Variants in CNKSR2 observed in about 807,000 individuals in gnomAD.
CNKSR2 encodes CNK homolog protein 2.
CNKSR2 carries 14 observed loss-of-function variants against 84.4 expected under a neutral mutation model. That is an observed-to-expected ratio of 0.17 (90% CI 0.11 to 0.26). CNKSR2 has a LOEUF of 0.26. Ranked by LOEUF, CNKSR2 falls within the 10% of genes least tolerant of loss-of-function variation. CNKSR2 has a pLI of 1.00. For missense variants in CNKSR2, 485 were observed against 771.2 expected (o/e 0.63, Z 4.40); for synonymous variants, 275 against 277.9 (o/e 0.99, Z 0.10).
At position 21,563,244 on chromosome X, in the gene CNKSR2, C is replaced by CTCTACTTCGGTATATGAGCAATGA. The variant is rs1429878531; in HGVS notation, c.1401_1424dup (p.Asn474_Glu475insAspLeuLeuArgTyrMetSerAsn). On this transcript the variant is annotated inframe_insertion, in exon 13 of 22. Coordinates refer to ENST00000379510, the MANE Select transcript of CNKSR2 (RefSeq NM_014927.5). ...TTTATCTCTTTTTATATAGAAAACT[C>CTCTACTTCGGTATATGAGCAATGA]TCTACTTCGGTATATGAGCAATGAA... 1 of 1,196,031 alleles carries CTCTACTTCGGTATATGAGCAATGA rather than the reference C, an allele frequency of 8.4e-7. No individual in the cohort carries two copies. Among genetic ancestry groups the CTCTACTTCGGTATATGAGCAATGA allele is most frequent in the African/African-American group, 1.8e-5 (1 of 56,620 alleles).
At chrX:21,477,529 C>A (rs753399181) in intron 5 of CNKSR2, among the ~76,000 whole-genome samples, 8 of 108,103 alleles carry the variant, frequency 7.4e-5, no homozygotes, top group Non-Finnish European at 1.2e-4. Flanking sequence ...TTTTTCCTTT[C>A]TTTAAATTTA....
At chrX:21,418,357 GT>G (rs1392946275) in intron 1 of CNKSR2, among the ~76,000 whole-genome samples, 3 of 110,804 alleles carry the variant, frequency 2.7e-5, no homozygotes, top group African/African-American at 9.8e-5. Context: ...AATATTCTGT[GT>G]TTTTTTTGTG....
At chrX:21,446,763 A>T (rs907732098) in intron 4 of CNKSR2, among the ~76,000 whole-genome samples, 5 of 111,577 alleles carry the variant, frequency 4.5e-5, no homozygotes, top group Non-Finnish European at 9.5e-5. Context: ...GGGTGTACTA[A>T]ACTCATCAAT....
intron 18 of CNKSR2, among the ~76,000 whole-genome samples, chrX:21,603,735 G>C (rs1364910245): frequency 2.7e-5 from 3 of 112,330 alleles, no homozygotes; most frequent in East Asian, 5.6e-4. Flanking sequence ...CCAGCTTCAA[G>C]ACAGACATTC....
chrX:21,451,366 A>G (rs989514980), intron 4 of CNKSR2, among the ~76,000 whole-genome samples: 1 of 111,350 alleles, frequency 9.0e-6, no homozygotes, highest in African/African-American at 3.3e-5. Context: ...CCAAAGGACT[A>G]TAAATCATGC....
At chrX:21,446,959 T>G (rs1057238731) in intron 4 of CNKSR2, among the ~76,000 whole-genome samples, 14 of 111,638 alleles carry the variant, frequency 1.3e-4, no homozygotes, top group Non-Finnish European at 2.1e-4. Flanking sequence ...CCAATATTGT[T>G]TCAGTTACTT....
chrX:21,560,473 T>G (rs893859259), intron 11 of CNKSR2, among the ~76,000 whole-genome samples: 1 of 111,263 alleles, frequency 9.0e-6, no homozygotes, highest in Non-Finnish European at 1.9e-5. Context: ...GAGTAAACAA[T>G]TTAATACTTA....
chrX:21,611,594 CA>C (rs2092550557), intron 20 of CNKSR2, among the ~76,000 whole-genome samples: 1 of 111,977 alleles, frequency 8.9e-6, no homozygotes, highest in Non-Finnish European at 1.9e-5. Flanking sequence ...AGATAGCTTT[CA>C]ATTTTTTTCT....
At chrX:21,459,718 T>C (rs1049121190) in intron 4 of CNKSR2, among the ~76,000 whole-genome samples, 9 of 111,363 alleles carry the variant, frequency 8.1e-5, no homozygotes, top group African/African-American at 2.9e-4. Flanking sequence ...CTATCTTCTT[T>C]TTTTCATCAC....
chrX:21,648,781 TCTCTCTC>T, intron 20 of CNKSR2, 43 bp from the exon 21 acceptor site: 2 of 887,691 alleles, frequency 2.3e-6, no homozygotes, highest in Non-Finnish European at 3.0e-6. Context: ...TCTCTCTCTC[TCTCTCTC>T]TCTTTCTTTT....
rs769002421 is a variant in CNKSR2 at position 21,497,853 on chromosome X, A to T, written c.741+7A>T. 2 of 833,848 alleles carry T rather than the reference A, an allele frequency of 2.4e-6. No individual in the cohort carries two copies. Among genetic ancestry groups the T allele is most frequent in the Non-Finnish European group, 1.8e-6 (1 of 554,240 alleles). The allele number at this position is 833,848 out of a possible 1,213,427, so 68.7% of individuals were successfully genotyped here. ...TACTGGAACCACAGAAAATGTAAGT[A>T]TTCTAACCTTTCAAATTTTTAAGTG... On this transcript the variant is annotated splice_region_variant and intron_variant, in intron 7 of 21. Transcript: ENST00000379510.
intron 1 of CNKSR2, among the ~76,000 whole-genome samples, chrX:21,380,653 G>A (rs1244658421): frequency 1.8e-5 from 2 of 110,117 alleles, no homozygotes; most frequent in African/African-American, 6.6e-5. Flanking sequence ...TCACCATGTT[G>A]GCCAAGCTGG....
chrX:21,465,858 T>A (rs2091120730), intron 4 of CNKSR2, among the ~76,000 whole-genome samples: 1 of 111,267 alleles, frequency 9.0e-6, no homozygotes, highest in Non-Finnish European at 1.9e-5. Context: ...TATGTAGGAG[T>A]AAAAATTGTT....
chrX:21,448,117 A>G (rs2090879118), intron 4 of CNKSR2, among the ~76,000 whole-genome samples: 1 of 111,863 alleles, frequency 8.9e-6, no homozygotes, highest in Non-Finnish European at 1.9e-5. Context: ...CTAAGGAGGC[A>G]TACTAAAAAT....
intron 11 of CNKSR2, among the ~76,000 whole-genome samples, chrX:21,552,993 A>G (rs2092106982): frequency 8.9e-6 from 1 of 112,159 alleles, no homozygotes; most frequent in Admixed American, 9.5e-5. Context: ...GCATTGTTTT[A>G]TAAGCAACAC....
chrX:21,437,218 TAAAACAAAAC>T (rs751312634), intron 3 of CNKSR2, among the ~76,000 whole-genome samples: 19 of 110,698 alleles, frequency 1.7e-4, no homozygotes, highest in Non-Finnish European at 3.2e-4. Flanking sequence ...GTAGTTATGG[TAAAACAAAAC>T]AAAACAAAAC....
At chrX:21,483,539 A>G (rs2091345303) in intron 5 of CNKSR2, among the ~76,000 whole-genome samples, 1 of 108,148 alleles carries the variant, frequency 9.2e-6, no homozygotes, top group Admixed American at 1.0e-4. Context: ...ATGTATACAT[A>G]TGTAACAAAC....
At chrX:21,595,269 T>C (rs2092445305) in intron 16 of CNKSR2, 55 bp from the exon 17 acceptor site, 1 of 940,288 alleles carries the variant, frequency 1.1e-6, no homozygotes, top group Non-Finnish European at 1.5e-6. Context: ...TCAGAATTAT[T>C]TGGTTCAAAC....
At chrX:21,613,070 T>C (rs907753911) in intron 20 of CNKSR2, among the ~76,000 whole-genome samples, 8 of 112,127 alleles carry the variant, frequency 7.1e-5, no homozygotes, top group Non-Finnish European at 1.5e-4. Context: ...TAATTTCCTG[T>C]TATCCCAATT....
Sources: allele counts gnomAD v4.1 joint callset (sites outside exome capture counted in the v4.1 genomes callset), GRCh38; gene constraint gnomAD v4.1.1; transcripts MANE v1.5; gene names NCBI Gene and HGNC (gene_info 2026-07-23, HGNC 2026-07-21).